Variants in IFT56 observed in about 807,000 individuals in gnomAD.
IFT56 encodes intraflagellar transport protein 56.
the IFT56 span, chr7:139,174,376 G>A: frequency 4.3e-5 from 20 of 467,324 alleles, no homozygotes; most frequent in South Asian, 3.1e-4. Flanking sequence ...TCCTCCACTG[G>A]CGGCCCGCGT....
At chr7:139,181,334 C>A in the IFT56 span, 1 of 573,406 alleles carries the variant, frequency 1.7e-6, no homozygotes, top group Non-Finnish European at 3.0e-6. Flanking sequence ...TAAGAGATGC[C>A]ATTCTTTTTA....
the IFT56 span, chr7:139,148,461 A>G: frequency 1.5e-6 from 2 of 1,314,524 alleles, no homozygotes; most frequent in South Asian, 1.4e-5. Flanking sequence ...AAACTCTGTT[A>G]TCTGTAACTC....
At chr7:139,173,894 C>G in the IFT56 span, 1 of 705,236 alleles carries the variant, frequency 1.4e-6, no homozygotes, top group Non-Finnish European at 2.6e-6. Context: ...TTGTTTGAAG[C>G]TCTGGTTCTT....
the IFT56 span, chr7:139,134,666 G>A: frequency 1.2e-6 from 2 of 1,608,890 alleles, no homozygotes; most frequent in Non-Finnish European, 1.7e-6. Flanking sequence ...TGCTTTCAAG[G>A]GCCAAACCTG....
At chr7:139,182,988 A>G in the IFT56 span, among the ~76,000 whole-genome samples, 2 of 152,302 alleles carry the variant, frequency 1.3e-5, no homozygotes, top group Non-Finnish European at 2.9e-5. Context: ...AAAATTTGAT[A>G]TTAAAAATAA....
the IFT56 span, among the ~76,000 whole-genome samples, chr7:139,180,889 G>T: frequency 1.3e-5 from 2 of 152,150 alleles, no homozygotes; most frequent in Admixed American, 1.3e-4. Flanking sequence ...ACATAATTAT[G>T]TGACTCCTAA....
the IFT56 span, among the ~76,000 whole-genome samples, chr7:139,179,223 A>C: frequency 6.6e-6 from 1 of 152,170 alleles, no homozygotes; most frequent in Admixed American, 6.5e-5. Context: ...CTCTACAAAA[A>C]TTTTTTTAAA....
At chr7:139,170,796 C>A in the IFT56 span, among the ~76,000 whole-genome samples, 7 of 152,174 alleles carry the variant, frequency 4.6e-5, no homozygotes, top group African/African-American at 1.7e-4. Flanking sequence ...TGGAACAAGA[C>A]AAGGATGCCC....
At chr7:139,148,184 C>A in the IFT56 span, 8 of 1,589,990 alleles carry the variant, frequency 5.0e-6, no homozygotes, top group Non-Finnish European at 6.9e-6. Context: ...AAATGGTTAA[C>A]CCTAATTCTT....
chr7:139,169,808 C>A, the IFT56 span, among the ~76,000 whole-genome samples: 1 of 152,056 alleles, frequency 6.6e-6, no homozygotes, highest in African/African-American at 2.4e-5. Context: ...CCCAGGAGTT[C>A]AGGACCAGCC....
chr7:139,159,976 T>TCC, the IFT56 span, among the ~76,000 whole-genome samples: 1 of 152,180 alleles, frequency 6.6e-6, no homozygotes, highest in Non-Finnish European at 1.5e-5. Flanking sequence ...TGATGGCTAT[T>TCC]TCCCGCATAA....
the IFT56 span, chr7:139,134,642 G>C: frequency 1.3e-6 from 2 of 1,599,002 alleles, no homozygotes. Context: ...AGCTGTCTTT[G>C]TTTCTTTTAC....
At chr7:139,175,070 G>T in the IFT56 span, among the ~76,000 whole-genome samples, 1 of 152,008 alleles carries the variant, frequency 6.6e-6, no homozygotes, top group East Asian at 1.9e-4. Context: ...TGACAAATGG[G>T]TATATGAAAA....
At chr7:139,184,076 C>A in the IFT56 span, among the ~76,000 whole-genome samples, 1 of 152,202 alleles carries the variant, frequency 6.6e-6, no homozygotes, top group South Asian at 2.1e-4. Context: ...GTGCTCCCTT[C>A]TTTGGCACCA....
the IFT56 span, chr7:139,178,371 A>G: frequency 2.7e-6 from 4 of 1,479,178 alleles, no homozygotes; most frequent in African/African-American, 2.8e-5. Context: ...AAGATAAGAT[A>G]CCCTTAGAGA....
At chr7:139,176,164 A>G in the IFT56 span, among the ~76,000 whole-genome samples, 1 of 152,128 alleles carries the variant, frequency 6.6e-6, no homozygotes, top group Non-Finnish European at 1.5e-5. Context: ...ACAGTTAAGA[A>G]TATAATTTAT....
chr7:139,179,322 G>T, the IFT56 span, among the ~76,000 whole-genome samples: 2 of 152,218 alleles, frequency 1.3e-5, no homozygotes, highest in East Asian at 3.8e-4. Context: ...AAAAGAATGT[G>T]TATCATACAG....
chr7:139,181,651 T>A, the IFT56 span, among the ~76,000 whole-genome samples: 1 of 152,198 alleles, frequency 6.6e-6, no homozygotes, highest in African/African-American at 2.4e-5. Flanking sequence ...AGAGTGTACT[T>A]ACACAAACCT....
At chr7:139,137,947 T>A in the IFT56 span, 1 of 1,596,006 alleles carries the variant, frequency 6.3e-7, no homozygotes, top group East Asian at 2.2e-5. Context: ...GAGGTTAGTG[T>A]AAAAAAAGTT....
Sources: gnomAD v4.1 joint callset for allele counts (sites outside exome capture counted in the v4.1 genomes callset) on GRCh38, gnomAD v4.1.1 for gene constraint, MANE v1.5 for transcripts, NCBI Gene and HGNC (gene_info 2026-07-23, HGNC 2026-07-21) for gene names.